The following WRN variants were observed in gnomAD, a reference collection of about 807,000 sequenced individuals.
WRN encodes the protein bifunctional 3'-5' exonuclease/ATP-dependent helicase WRN.
Under a neutral mutation model 180.7 loss-of-function variants are expected in WRN, and 149 were observed. The observed-to-expected ratio is 0.82, with a 90% CI of 0.72 to 0.94. WRN has a LOEUF of 0.94. Ranked by LOEUF, WRN falls within the 40% of genes least tolerant of loss-of-function variation. WRN has a pLI of 0.00. For missense variants in WRN, 1,661 were observed against 1,700.1 expected (o/e 0.98, Z 0.40); for synonymous variants, 548 against 568.9 (o/e 0.96, Z 0.52).
intron 31 of WRN, among the ~76,000 whole-genome samples, chr8:31,152,918 C>G (rs1374732607): frequency 6.6e-6 from 1 of 152,004 alleles, no homozygotes; most frequent in African/African-American, 2.4e-5. Flanking sequence ...TGGTGCTAGC[C>G]TGTAATCCCA....
chr8:31,167,780 A>G (rs180822601), intron 34 of WRN, among the ~76,000 whole-genome samples: 101 of 152,230 alleles, frequency 6.6e-4, no homozygotes, highest in African/African-American at 2.3e-3. Flanking sequence ...TGCTTCAAAA[A>G]TAATTGCTCT....
At chr8:31,163,416 G>A (rs528950384) in intron 33 of WRN, among the ~76,000 whole-genome samples, 1 of 152,292 alleles carries the variant, frequency 6.6e-6, no homozygotes, top group African/African-American at 2.4e-5. Context: ...GAGAGAAAGA[G>A]TGTGAGGCTT....
rs769121831 is a variant in WRN at position 31,154,639 on chromosome 8, A to G, written c.3703A>G (p.Ser1235Gly). 6 of 1,612,946 alleles carry G rather than the reference A, an allele frequency of 3.7e-6. No homozygotes were observed. The African/African-American group carries it at 6.7e-5, about 18-fold the overall frequency. Residue 1235 changes from serine (S) to glycine (G), a missense_variant, in exon 32 of 35, where the codon AGT becomes GGT. Physicochemically the swap from Ser to Gly is moderately conservative, Grantham distance 56 (BLOSUM62 0). Coordinates refer to ENST00000298139, the MANE Select transcript of WRN (RefSeq NM_000553.6). ...AATTCTGTAGACAGACCTCTTTTCA[A>G]GTACAAAACCTCAAGAAGAACAGAA... ...TNSVQTDLFS[S>G]TKPQEEQKTS...
At chr8:31,151,011 G>C (rs560794413) in intron 31 of WRN, among the ~76,000 whole-genome samples, 2 of 152,044 alleles carry the variant, frequency 1.3e-5, no homozygotes, top group South Asian at 4.1e-4. Flanking sequence ...TAAACTCCAC[G>C]TAGCAGACTC....
intron 1 of WRN, among the ~76,000 whole-genome samples, chr8:31,034,675 A>G (rs2129880255): frequency 6.6e-6 from 1 of 152,338 alleles, no homozygotes; most frequent in Non-Finnish European, 1.5e-5. Context: ...ACTTCAGCCA[A>G]AATGAGGACA....
rs1380999860 is a variant in WRN at position 31,175,285 on chromosome 8, A to C, written c.*2183A>C. 6.6e-6 allele frequency among the ~76,000 whole-genome samples: 1 copy of C among 152,090 alleles called. No homozygotes were observed. ...CCCCGTCTCTACTAAAAATACAAAA[A>C]TTAGCTGGGTGTGTTGGTGCGTGCC... On this transcript the variant is annotated 3_prime_UTR_variant, in exon 35 of 35. Coordinates refer to ENST00000298139, the MANE Select transcript of WRN (RefSeq NM_000553.6).
At chr8:31,038,565 A>T (rs1811532680) in intron 1 of WRN, among the ~76,000 whole-genome samples, 1 of 152,038 alleles carries the variant, frequency 6.6e-6, no homozygotes, top group Non-Finnish European at 1.5e-5. Context: ...AAATTTTTAT[A>T]GAGTCCAGTT....
chr8:31,068,925 G>A (rs1225889930), intron 7 of WRN, among the ~76,000 whole-genome samples: 1 of 152,224 alleles, frequency 6.6e-6, no homozygotes, highest in African/African-American at 2.4e-5. Context: ...ACGTAGTAGA[G>A]TGGGTGAGCC....
At chr8:31,071,694 C>T (rs1343153184) in intron 7 of WRN, among the ~76,000 whole-genome samples, 1 of 152,238 alleles carries the variant, frequency 6.6e-6, no homozygotes, top group Non-Finnish European at 1.5e-5. Context: ...GTTGGCCAGG[C>T]TGGTCTCGAA....
intron 1 of WRN, among the ~76,000 whole-genome samples, chr8:31,055,689 A>C (rs1218249904): frequency 6.6e-6 from 1 of 152,050 alleles, no homozygotes; most frequent in African/African-American, 2.4e-5. Context: ...GATAGATTGC[A>C]AAAATTTTCT....
intron 23 of WRN, among the ~76,000 whole-genome samples, chr8:31,131,974 T>C (rs2130374951): frequency 6.8e-6 from 1 of 147,702 alleles, no homozygotes; most frequent in East Asian, 1.9e-4. Context: ...TTTTTTTTTT[T>C]TTTGCAACAC....
chr8:31,048,504 A>C (rs1811956403), intron 1 of WRN, among the ~76,000 whole-genome samples: 1 of 152,240 alleles, frequency 6.6e-6, no homozygotes, highest in African/African-American at 2.4e-5. Context: ...GTATCTAGAT[A>C]CACAATCTGT....
In WRN at chr8:31,076,300, C is replaced by CTT; in HGVS notation, c.839+24_839+25dup. On this transcript the variant is annotated intron_variant, in intron 8 of 34. Coordinates refer to ENST00000298139, the MANE Select transcript of WRN (RefSeq NM_000553.6). ...AAAACCCACGGAGGTTAAATATTAC[C>CTT]TTTTTTTTTTTTAACTTAAATCAAT... 75 of 1,358,404 alleles carry CTT rather than the reference C, an allele frequency of 5.5e-5. No homozygotes were observed. The highest frequency in any genetic ancestry group is 6.8e-5 in the Non-Finnish European group (66 of 976,014). 84.1% of individuals were successfully genotyped at this position (1,358,404 alleles called of 1,614,324 possible).
chr8:31,094,534 A>G (rs965328857), intron 16 of WRN, among the ~76,000 whole-genome samples: 1 of 151,898 alleles, frequency 6.6e-6, no homozygotes, highest in South Asian at 2.1e-4. Flanking sequence ...TTGAGTGGAG[A>G]TGAGATTTTG....
In WRN at chr8:31,052,595, C is replaced by G. The variant is rs765362096; in HGVS notation, c.-76-5777C>G. 1.6e-4 allele frequency among the ~76,000 whole-genome samples: 25 copies of G among 152,130 alleles called. No homozygotes were observed. The South Asian group carries it at 1.7e-3, about 10-fold the overall frequency. Reference sequence around the variant, plus strand: ...TAGAGACGGGGTTTCGCCATATGCCCAGGCTGGTCTCGAACCCCTGGCCTC... The same window carrying G: ...TAGAGACGGGGTTTCGCCATATGCCGAGGCTGGTCTCGAACCCCTGGCCTC... On this transcript the variant is annotated intron_variant, in intron 1 of 34. Coordinates refer to ENST00000298139, the MANE Select transcript of WRN (RefSeq NM_000553.6).
rs894805854 is a variant in WRN at position 31,175,818 on chromosome 8, G to C, written c.*2716G>C. Among the ~76,000 whole-genome samples, 1 of 152,164 alleles carries C rather than the reference G, an allele frequency of 6.6e-6. No individual in the cohort carries two copies. Among genetic ancestry groups the C allele is most frequent in the Non-Finnish European group, 1.5e-5 (1 of 68,036 alleles). ...TTTGCAAAATGTAAACAATGCTGCTGTTCTCAGTTTTTAAAAATATGTTTT... is the reference window on the plus strand; with the variant it reads ...TTTGCAAAATGTAAACAATGCTGCTCTTCTCAGTTTTTAAAAATATGTTTT... On this transcript the variant is annotated 3_prime_UTR_variant, in exon 35 of 35. Transcript: ENST00000298139.
intron 1 of WRN, among the ~76,000 whole-genome samples, chr8:31,044,040 C>T (rs1811754123): frequency 6.6e-6 from 1 of 152,048 alleles, no homozygotes; most frequent in East Asian, 1.9e-4. Flanking sequence ...ATTTCATTTT[C>T]TTTTTTCTTG....
At chr8:31,055,045 A>G (rs1188886998) in intron 1 of WRN, among the ~76,000 whole-genome samples, 2 of 152,206 alleles carry the variant, frequency 1.3e-5, no homozygotes, top group East Asian at 1.9e-4. Context: ...TGCAAAGTAC[A>G]TGATCGTGTT....
At chr8:31,161,586 C>A (rs1803618002) in intron 33 of WRN, among the ~76,000 whole-genome samples, 1 of 152,124 alleles carries the variant, frequency 6.6e-6, no homozygotes, top group Non-Finnish European at 1.5e-5. Context: ...CGCCTGTAAT[C>A]CCAGCACTTT....
Sources: gnomAD v4.1 joint callset for allele counts (sites outside exome capture counted in the v4.1 genomes callset) on GRCh38, gnomAD v4.1.1 for gene constraint, MANE v1.5 for transcripts, NCBI Gene and HGNC (gene_info 2026-07-23, HGNC 2026-07-21) for gene names.